ZFP91: variants seen among roughly 807,000 people sequenced by gnomAD.
ZFP91 encodes E3 ubiquitin-protein ligase ZFP91.
In ZFP91, 7 loss-of-function variants were observed where a neutral mutation model predicts 63.5. That is an observed-to-expected ratio of 0.11 (90% confidence interval 0.06 to 0.21). The LOEUF is 0.21. Among genes scored for constraint, ZFP91 ranks in the 10% least tolerant of loss-of-function variants. The probability of loss-of-function intolerance (pLI) is 1.00; values close to 1 mark genes in which losing one functional copy is unlikely to be tolerated. For synonymous variants in ZFP91, 330 were observed against 272.1 expected, an observed-to-expected ratio of 1.21 and a Z score of -2.10; for missense variants, 628 against 736.6, an observed-to-expected ratio of 0.85 and a Z score of 1.71.
chr11:58,599,680 T>C (rs1273859561), intron 2 of ZFP91, among the ~76,000 whole-genome samples: 1 of 152,072 alleles, frequency 6.6e-6, no homozygotes, highest in Non-Finnish European at 1.5e-5. Flanking sequence ...CATGTTTTAA[T>C]TGGGTTGTTT....
intron 2 of ZFP91, among the ~76,000 whole-genome samples, chr11:58,585,402 T>C (rs1246374698): frequency 6.6e-6 from 1 of 152,212 alleles, no homozygotes; most frequent in East Asian, 1.9e-4. Flanking sequence ...TCAATAACTT[T>C]TAAAATACTT....
chr11:58,611,330 A>G, intron 5 of ZFP91: 1 of 491,032 alleles, frequency 2.0e-6, no homozygotes, highest in Non-Finnish European at 3.5e-6. Context: ...AATACTTAGA[A>G]TTTTTTAACT....
Position 58,617,400 on chromosome 11 carries a change from C to T in ZFP91, c.1407C>T (p.Leu469=). ...AEALAANAGA[L]ITSTDILGTN... The stretch of plus-strand genomic sequence containing the variant: ...CTCTGGCTGCCAATGCAGGCGCCCT[C>T]ATCACCAGCACAGATATCTTGGGCA... Residue 469 remains leucine (L), a synonymous_variant, in exon 11 of 11, where the codon CTC becomes CTT. Coordinates refer to ENST00000316059, the MANE Select transcript of ZFP91 (RefSeq NM_053023.5). The surrounding 1 kb of genome is among the most constrained non-coding windows in gnomAD (Gnocchi z 4.2). The T allele has an allele frequency of 6.2e-7, 1 of 1,613,604 alleles. No homozygotes were observed. The highest frequency in any genetic ancestry group is 8.5e-7 in the Non-Finnish European group (1 of 1,179,750).
chr11:58,604,190 G>A (rs113409579), intron 2 of ZFP91, among the ~76,000 whole-genome samples: 2,685 of 152,234 alleles, frequency 0.018, 92 homozygotes, highest in African/African-American at 0.061. Flanking sequence ...TTTGGAAATA[G>A]GATCTTTGCA....
At chr11:58,601,659 C>T (rs943820473) in intron 2 of ZFP91, among the ~76,000 whole-genome samples, 2 of 150,930 alleles carry the variant, frequency 1.3e-5, no homozygotes, top group African/African-American at 4.9e-5. Flanking sequence ...AGAAATTTTA[C>T]TCTGAGAACT....
chr11:58,615,115 C>T (rs1484482788), intron 9 of ZFP91, among the ~76,000 whole-genome samples: 2 of 152,192 alleles, frequency 1.3e-5, no homozygotes, highest in Non-Finnish European at 2.9e-5. Flanking sequence ...TCTCTTTTCA[C>T]TTTTCCTTCT....
At chr11:58,598,533 C>G (rs905917141) in intron 2 of ZFP91, among the ~76,000 whole-genome samples, 2 of 152,036 alleles carry the variant, frequency 1.3e-5, no homozygotes, top group African/African-American at 4.8e-5. Context: ...CTTCCTTTAC[C>G]CAAGCTAGTA....
chr11:58,591,484 G>A (rs1228528810), intron 2 of ZFP91, among the ~76,000 whole-genome samples: 1 of 151,598 alleles, frequency 6.6e-6, no homozygotes, highest in Non-Finnish European at 1.5e-5. Context: ...CATTTCAAAT[G>A]TACAATTTAG....
intron 2 of ZFP91, among the ~76,000 whole-genome samples, chr11:58,596,461 GAAGTCA>G (rs1855405383): frequency 6.6e-6 from 1 of 152,196 alleles, no homozygotes; most frequent in Admixed American, 6.5e-5. Context: ...GTCATAAAAG[GAAGTCA>G]AAAGCAGTCT....
intron 2 of ZFP91, among the ~76,000 whole-genome samples, chr11:58,587,927 G>T (rs1855238766): frequency 1.3e-5 from 2 of 152,084 alleles, no homozygotes; most frequent in African/African-American, 4.8e-5. Context: ...AATAAATACT[G>T]TAGAATCAAG....
In ZFP91 at chr11:58,579,456, G is replaced by A; in HGVS notation, c.175G>A (p.Ala59Thr). ...VLRGGRDRGR[A>T]AAAAAAAAVS... ...GAGGGGAGGTCGGGACCGAGGCCGG[G>A]CCGCTGCGGCCGCCGCCGCCGCAGC... Residue 59 changes from alanine to threonine, a missense_variant, in exon 1 of 11, where the codon GCC becomes ACC. Physicochemically the swap from Ala to Thr is moderately conservative, Grantham distance 58. Around this residue, in one of 3 missense-constraint regions of ZFP91, gnomAD observed 437 missense variants for 380.3 expected, o/e 1.15. Coordinates refer to ENST00000316059, the MANE Select transcript of ZFP91 (RefSeq NM_053023.5). 3 of 1,452,094 alleles carry A rather than the reference G, an allele frequency of 2.1e-6. No homozygotes were observed. Among genetic ancestry groups the A allele is most frequent in the Non-Finnish European group, 9.0e-7 (1 of 1,111,492 alleles). 90.0% of individuals were successfully genotyped at this position (1,452,094 alleles called of 1,614,324 possible). A position where few individuals can be genotyped will look rare whatever the true frequency, so the allele number is the denominator to read the frequency against.
chr11:58,592,386 C>G (rs1284448465), intron 2 of ZFP91, among the ~76,000 whole-genome samples: 1 of 152,110 alleles, frequency 6.6e-6, no homozygotes, highest in African/African-American at 2.4e-5. Context: ...CGTGTCCAGT[C>G]TGCACATCCT....
rs1855850650 is a variant in ZFP91 at position 58,621,416 on chromosome 11, G to A, written c.*3710G>A. Among the ~76,000 whole-genome samples, 1 of 152,124 alleles carries A rather than the reference G, an allele frequency of 6.6e-6. No homozygotes were observed. The highest frequency in any genetic ancestry group is 1.5e-5 in the Non-Finnish European group (1 of 68,028). ...TCTCAAAATTGAATGTTTATATCAA[G>A]TACTGATTTTTATTTTAAAAAAGAA... is the stretch of plus-strand genomic sequence containing the variant. On this transcript the variant is annotated 3_prime_UTR_variant, in exon 11 of 11. Coordinates refer to ENST00000316059, the MANE Select transcript of ZFP91 (RefSeq NM_053023.5).
At position 58,611,080 on chromosome 11, in the gene ZFP91, A is replaced by G. The variant is rs764643103; in HGVS notation, c.722+26A>G. On this transcript the variant is annotated intron_variant, in intron 5 of 10. Transcript: ENST00000316059. ...GCATGTCTCAGATTTTACTGCAGAC[A>G]TGTTAATGAAATATAAGTAGGAAAG... The G allele has an allele frequency of 7.5e-6, 12 of 1,598,726 alleles. No individual in the cohort carries two copies. The East Asian group carries it at 2.5e-4, about 33-fold the overall frequency.
intron 2 of ZFP91, among the ~76,000 whole-genome samples, chr11:58,602,334 GTTATT>G (rs1855503849): frequency 6.6e-6 from 1 of 152,104 alleles, no homozygotes; most frequent in Non-Finnish European, 1.5e-5. Flanking sequence ...GTTTGGTTCT[GTTATT>G]GAAAGTGGGA....
Position 58,610,284 on chromosome 11 carries a change from C to T in ZFP91, c.581-14C>T, listed in dbSNP as rs767467860. The T allele has an allele frequency of 2.5e-6, 4 of 1,589,046 alleles. No individual in the cohort carries two copies. In the Admixed American group the frequency reaches 7.5e-5, roughly 30 times the overall value. ...TACACTAATAAAATTTTGTTTTTGGCTTTGTTTTTCTAGATGTTGGAGAAG... is the reference window on the plus strand; with the variant it reads ...TACACTAATAAAATTTTGTTTTTGGTTTTGTTTTTCTAGATGTTGGAGAAG... On this transcript the variant is annotated splice_polypyrimidine_tract_variant and intron_variant, in intron 3 of 10. Transcript: ENST00000316059.
chr11:58,610,356 C>T (rs749408607), intron 4 of ZFP91, 22 bp downstream of exon 4: 4 of 1,574,508 alleles, frequency 2.5e-6, no homozygotes, highest in Non-Finnish European at 2.6e-6. Context: ...ATTAATATTT[C>T]ATTTTTAAAC....
chr11:58,608,934 G>C (rs1466090083), intron 2 of ZFP91, among the ~76,000 whole-genome samples: 1 of 152,092 alleles, frequency 6.6e-6, no homozygotes, highest in African/African-American at 2.4e-5. Context: ...TGGGTTATTA[G>C]ACTTTGTTTA....
At chr11:58,582,251 T>C (rs897351950) in intron 1 of ZFP91, among the ~76,000 whole-genome samples, 4 of 152,218 alleles carry the variant, frequency 2.6e-5, no homozygotes, top group Non-Finnish European at 5.9e-5. Flanking sequence ...TTTTCAGTCA[T>C]AAAATACATT....
Sources: allele counts gnomAD v4.1 joint callset (sites outside exome capture counted in the v4.1 genomes callset), GRCh38; gene constraint gnomAD v4.1.1; regional missense constraint gnomAD v4.1.1; non-coding constraint Gnocchi (gnomAD v3.1); transcripts MANE v1.5; gene names NCBI Gene and HGNC (gene_info 2026-07-23, HGNC 2026-07-21).